DNAH8: variants seen among roughly 807,000 people sequenced by gnomAD.
DNAH8 encodes dynein axonemal heavy chain 8.
In DNAH8, 382 loss-of-function variants were observed where a neutral mutation model predicts 562.1. The ratio of observed to expected loss-of-function variants is 0.68; its 90% confidence interval spans 0.63 to 0.74. The LOEUF is 0.74. Ranked by LOEUF, DNAH8 falls within the 30% of genes least tolerant of loss-of-function variation. The pLI, the probability that DNAH8 is intolerant of heterozygous loss-of-function variation, is 0.00. For synonymous variants in DNAH8, 1,881 were observed against 1,919.4 expected (o/e 0.98, Z 0.52); for missense variants, 5,203 against 5,620.4 (o/e 0.93, Z 2.37).
In DNAH8 at chr6:38,848,762, C is replaced by T. The variant is rs200767977; in HGVS notation, c.5160C>T (p.Ala1720=). 5 of 1,613,092 alleles carry T rather than the reference C, an allele frequency of 3.1e-6. No homozygotes were observed. Among genetic ancestry groups the T allele is most frequent in the East Asian group, 2.2e-5 (1 of 44,874 alleles). The stretch of plus-strand genomic sequence containing the variant: ...AGAACCTTTGGGTTTATCTTGAAGC[C>T]GTCTTTGTAGGTGGAGATATTGCCA... The part of the protein sequence containing the change: ...VVQNLWVYLE[A]VFVGGDIAKQ... The change falls in exon 37 of 93, where the codon GCC becomes GCT. Residue 1720 remains alanine, a synonymous_variant. Coordinates refer to ENST00000327475, the MANE Select transcript of DNAH8 (RefSeq NM_001206927.2).
At chr6:38,764,682 T>G (rs2127613273) in intron 11 of DNAH8, 1 of 152,262 alleles carries the variant, frequency 6.6e-6, no homozygotes, top group Non-Finnish European at 1.5e-5. Context: ...TGAATGCAAA[T>G]GGAGCCGAGA....
chr6:38,820,902 A>AT (rs1262714890), intron 26 of DNAH8, among the ~76,000 whole-genome samples: 2 of 152,148 alleles, frequency 1.3e-5, no homozygotes, highest in Admixed American at 6.5e-5. Flanking sequence ...GAAAGCCTGA[A>AT]TTTTTTCCCC....
At position 38,814,122 on chromosome 6, in the gene DNAH8, C is replaced by T; in HGVS notation, c.3326C>T (p.Pro1109Leu). Residue 1109 changes from proline to leucine, a missense_variant, in exon 25 of 93, where the codon CCT becomes CTT. This residue lies in a region of DNAH8 where 2,176 missense variants were observed against 2,365.1 expected (regional missense o/e 0.92). Coordinates refer to ENST00000327475, the MANE Select transcript of DNAH8 (RefSeq NM_001206927.2). The stretch of plus-strand genomic sequence containing the variant: ...AAAAGTGAAGTACATCTTGCAATTC[C>T]TAATGTGGTAAGTATTATTAAATAC... ...FIKSEVHLAI[P>L]NVVMIPSLDD... The T allele has an allele frequency of 2.7e-6, 4 of 1,505,500 alleles. No homozygotes were observed. The highest frequency in any genetic ancestry group is 3.7e-6 in the Non-Finnish European group (4 of 1,082,882). 93.3% of individuals were successfully genotyped at this position (1,505,500 alleles called of 1,614,324 possible). A position where few individuals can be genotyped will look rare whatever the true frequency, so the allele number is the denominator to read the frequency against.
chr6:39,026,856 A>T (rs1415435133), intron 92 of DNAH8, among the ~76,000 whole-genome samples, 189 bp downstream of exon 92: 2 of 152,242 alleles, frequency 1.3e-5, no homozygotes, highest in African/African-American at 4.8e-5. Flanking sequence ...ATTAATGACA[A>T]GGTCTAATGA....
chr6:38,758,256 T>G (rs1398145786), intron 10 of DNAH8, among the ~76,000 whole-genome samples: 14 of 151,986 alleles, frequency 9.2e-5, no homozygotes, highest in Non-Finnish European at 1.5e-4. Flanking sequence ...CCCTTGTAAG[T>G]TGGATTCCTA....
intron 17 of DNAH8, among the ~76,000 whole-genome samples, chr6:38,785,886 A>G (rs1769114966): frequency 6.6e-6 from 1 of 152,250 alleles, no homozygotes; most frequent in Non-Finnish European, 1.5e-5. Context: ...AGTAAAAGTC[A>G]ACTAACTTCA....
At chr6:39,023,398 C>A (rs1767053336) in intron 91 of DNAH8, among the ~76,000 whole-genome samples, 1 of 152,112 alleles carries the variant, frequency 6.6e-6, no homozygotes, top group Admixed American at 6.5e-5. Context: ...GAGGCTGAGG[C>A]AGGAGAGTGG....
chr6:38,842,716 A>G lies in DNAH8; in HGVS notation c.4658A>G (p.Lys1553Arg), dbSNP rs749532085. The G allele has an allele frequency of 3.1e-6, 5 of 1,613,796 alleles. No homozygotes were observed. Among genetic ancestry groups the G allele is most frequent in the Non-Finnish European group, 4.2e-6 (5 of 1,179,912 alleles). Residue 1553 changes from lysine (K) to arginine (R), a missense_variant, in exon 35 of 93, where the codon AAA becomes AGA. Around this residue, in one of 6 missense-constraint regions of DNAH8, gnomAD observed 2,176 missense variants for 2,365.1 expected, o/e 0.92. Coordinates refer to ENST00000327475, the MANE Select transcript of DNAH8 (RefSeq NM_001206927.2). The stretch of plus-strand genomic sequence containing the variant: ...GATTGGCAAGCTTTTTTGGATCTCA[A>G]AAAGAGAATTGATGATTTCAGTGAG... ...LKDWQAFLDL[K>R]KRIDDFSESC...
chr6:38,787,653 T>C (rs1769296766), intron 18 of DNAH8, among the ~76,000 whole-genome samples: 1 of 126,790 alleles, frequency 7.9e-6, no homozygotes, highest in African/African-American at 3.1e-5. Flanking sequence ...CCGAGATTGC[T>C]CCACTGCACT....
At chr6:38,715,925 A>T (rs28634630) in intron 1 of DNAH8, among the ~76,000 whole-genome samples, 378 of 36,736 alleles carry the variant, frequency 0.01, 11 homozygotes, top group African/African-American at 0.028. Flanking sequence ...TAAATAAATA[A>T]ATATATATAT....
At chr6:38,734,326 A>AG in intron 4 of DNAH8, 148 bp from the exon 5 acceptor site, 1 of 448,808 alleles carries the variant, frequency 2.2e-6, no homozygotes. Context: ...CTTCTAGTAG[A>AG]CCCCCCCCCA....
At chr6:38,971,547 G>C in intron 82 of DNAH8, 45 bp from the exon 83 acceptor site, 2 of 1,195,762 alleles carry the variant, frequency 1.7e-6, no homozygotes, top group African/African-American at 1.5e-5. Flanking sequence ...TAATCCTGCT[G>C]TAAGAGTTGT....
chr6:38,957,641 A>G (rs987138995), intron 82 of DNAH8, among the ~76,000 whole-genome samples: 35 of 151,994 alleles, frequency 2.3e-4, no homozygotes, highest in African/African-American at 8.0e-4. Flanking sequence ...TTTCTTGACC[A>G]CAATGGAATG....
At chr6:38,896,779 ATTTG>A in intron 60 of DNAH8, among the ~76,000 whole-genome samples, 1 of 152,008 alleles carries the variant, frequency 6.6e-6, no homozygotes. Flanking sequence ...AAGGATATTT[ATTTG>A]TTTATTTATT....
chr6:38,860,550 A>C lies in DNAH8; in HGVS notation c.6052A>C (p.Ile2018Leu). Residue 2018 changes from isoleucine to leucine, a missense_variant, in exon 43 of 93, where the codon ATT (isoleucine) becomes CTT (leucine). Physicochemically the swap from Ile to Leu is conservative, Grantham distance 5. Around this residue, in one of 6 missense-constraint regions of DNAH8, gnomAD observed 2,176 missense variants for 2,365.1 expected, o/e 0.92. Coordinates refer to ENST00000327475, the MANE Select transcript of DNAH8 (RefSeq NM_001206927.2). ...AGATTTGGATCAAACTGTGGTGTCT[A>C]TTACAGATGTTGATTTTATTTACCA... ...KEDLDQTVVS[I>L]TDVDFIYQNE... 2 of 1,544,216 alleles carry C rather than the reference A, an allele frequency of 1.3e-6. No individual in the cohort carries two copies. The highest frequency in any genetic ancestry group is 4.8e-5 in the East Asian group (2 of 41,338).
intron 85 of DNAH8, among the ~76,000 whole-genome samples, chr6:38,978,063 T>G (rs1763792118): frequency 1.3e-5 from 2 of 152,250 alleles, no homozygotes; most frequent in African/African-American, 4.8e-5. Context: ...TCTGGAGTTT[T>G]TCTCCCCATC....
chr6:38,797,860 A>G (rs923383541), intron 21 of DNAH8, among the ~76,000 whole-genome samples: 21 of 152,136 alleles, frequency 1.4e-4, no homozygotes, highest in African/African-American at 5.1e-4. Flanking sequence ...ACTCTGCTCA[A>G]TCAAGCCTAC....
chr6:38,811,414 T>A (rs1771784994), intron 24 of DNAH8, among the ~76,000 whole-genome samples: 1 of 152,226 alleles, frequency 6.6e-6, no homozygotes. Context: ...TCCTAATGAC[T>A]CTGTCATCTA....
chr6:38,720,049 G>T (rs1762624753), intron 1 of DNAH8, among the ~76,000 whole-genome samples: 1 of 152,074 alleles, frequency 6.6e-6, no homozygotes, highest in South Asian at 2.1e-4. Context: ...AAGAGAATTG[G>T]ACTTTCATAG....
Sources: gnomAD v4.1 joint callset for allele counts (sites outside exome capture counted in the v4.1 genomes callset) on GRCh38, gnomAD v4.1.1 for gene constraint, gnomAD v4.1.1 regional missense constraint, MANE v1.5 for transcripts, NCBI Gene and HGNC (gene_info 2026-07-23, HGNC 2026-07-21) for gene names.